ACVR1: variants seen among roughly 807,000 people sequenced by gnomAD.
ACVR1 encodes activin receptor type-1.
Under a neutral mutation model 57.1 loss-of-function variants are expected in ACVR1, and 38 were observed. The observed-to-expected ratio is 0.67, with a 90% CI of 0.51 to 0.87. The LOEUF (loss-of-function observed/expected upper bound fraction) is 0.87, where lower values mean the gene tolerates loss of function less well. Among genes scored for constraint, ACVR1 ranks in the 40% least tolerant of loss-of-function variants. ACVR1 has a pLI of 0.00. For synonymous variants in ACVR1, 212 were observed against 228.1 expected (o/e 0.93, Z 0.63); for missense variants, 463 against 638.2 (o/e 0.73, Z 2.96).
At chr2:157,865,795 CAAAA>C in intron 1 of ACVR1, among the ~76,000 whole-genome samples, 1 of 119,260 alleles carries the variant, frequency 8.4e-6, no homozygotes, top group South Asian at 2.8e-4. Context: ...AACTCCATCT[CAAAA>C]AAAAAAAAAA....
intron 9 of ACVR1, among the ~76,000 whole-genome samples, chr2:157,739,295 T>A (rs1012223336): frequency 6.6e-6 from 1 of 152,214 alleles, no homozygotes; most frequent in African/African-American, 2.4e-5. Flanking sequence ...AAAAGAAGGA[T>A]AAATAATGAA....
rs79268399 is a variant in ACVR1 at position 157,868,989 on chromosome 2, T to C, written c.-183+6807A>G. On this transcript the variant is annotated intron_variant, in intron 1 of 10. Transcript: ENST00000434821. ...TGTCCCTACTAACCACATGCTTTCATTTTTTATTTCTGAACAATATATGGG... is the reference window on the plus strand; with the variant it reads ...TGTCCCTACTAACCACATGCTTTCACTTTTTATTTCTGAACAATATATGGG... Among the ~76,000 whole-genome samples the C allele has an allele frequency of 1.9e-3, 287 of 152,338 alleles. 1 individual carries two copies. The highest frequency in any genetic ancestry group is 2.3e-3 in the Non-Finnish European group (155 of 68,028).
At chr2:157,786,955 C>A (rs1392908681) in intron 3 of ACVR1, among the ~76,000 whole-genome samples, 1 of 152,012 alleles carries the variant, frequency 6.6e-6, no homozygotes, top group Non-Finnish European at 1.5e-5. Context: ...GAGAGAATTA[C>A]ATCATCTTCC....
rs781143727 is a variant in ACVR1, at chr2:157,737,673, G to A, written c.1396-8C>T. 35 of 1,613,958 alleles carry A rather than the reference G, an allele frequency of 2.2e-5. No homozygotes were observed. The East Asian group carries it at 7.4e-4, about 34-fold the overall frequency. On this transcript the variant is annotated splice_polypyrimidine_tract_variant and splice_region_variant and intron_variant, in intron 10 of 10. Coordinates refer to ENST00000434821, the MANE Select transcript of ACVR1 (RefSeq NM_001111067.4). ...GGCCAGAGAGGTTAATGTCTGAGGAGAGAAAGAACAAACACCACAATGACA... is the reference window on the plus strand; with the variant it reads ...GGCCAGAGAGGTTAATGTCTGAGGAAAGAAAGAACAAACACCACAATGACA...
At position 157,799,441 on chromosome 2, in the gene ACVR1, G is replaced by T. The variant is rs1383805044; in HGVS notation, c.53C>A (p.Ser18Tyr). Residue 18 changes from serine to tyrosine, a missense_variant, in exon 3 of 11, where the codon TCC becomes TAC. Coordinates refer to ENST00000434821, the MANE Select transcript of ACVR1 (RefSeq NM_001111067.4). The part of the protein sequence containing the change: ...LPVLIMIALP[S>Y]PSMEDEKPKV... Reference sequence around the variant, plus strand: ...GAGTCACTTACCTTCCATACTAGGGGAGGGGAGAGCAATCATGATAAGCAC... The same window carrying T: ...GAGTCACTTACCTTCCATACTAGGGTAGGGGAGAGCAATCATGATAAGCAC... 20 of 1,611,852 alleles carry T rather than the reference G, an allele frequency of 1.2e-5. No homozygotes were observed. Among genetic ancestry groups the T allele is most frequent in the Non-Finnish European group, 1.6e-5 (19 of 1,178,390 alleles).
chr2:157,767,303 G>A (rs951746175), intron 7 of ACVR1, among the ~76,000 whole-genome samples: 9 of 152,122 alleles, frequency 5.9e-5, no homozygotes. Context: ...CAAAGTGCTG[G>A]GATTACAAGC....
intron 2 of ACVR1, among the ~76,000 whole-genome samples, chr2:157,800,253 T>A (rs922973176): frequency 1.3e-5 from 2 of 152,234 alleles, no homozygotes; most frequent in Non-Finnish European, 2.9e-5. Flanking sequence ...GATAGGTTAG[T>A]GTGCTTGTAC....
At chr2:157,776,061 G>T (rs1314517875) in intron 5 of ACVR1, among the ~76,000 whole-genome samples, 1 of 152,102 alleles carries the variant, frequency 6.6e-6, no homozygotes, top group Non-Finnish European at 1.5e-5. Context: ...GTTTAGTAAG[G>T]GCATGCTTTG....
At chr2:157,758,568 C>G (rs1685519280) in intron 9 of ACVR1, among the ~76,000 whole-genome samples, 1 of 151,870 alleles carries the variant, frequency 6.6e-6, no homozygotes, top group Non-Finnish European at 1.5e-5. Context: ...TATTATTAAA[C>G]CTAAAGAGAC....
chr2:157,782,116 G>A (rs1686545525), intron 3 of ACVR1, among the ~76,000 whole-genome samples: 1 of 152,180 alleles, frequency 6.6e-6, no homozygotes, highest in African/African-American at 2.4e-5. Flanking sequence ...GTGTGGGTGT[G>A]TGTAGAGATG....
chr2:157,756,768 T>A (rs1337716658), intron 9 of ACVR1, among the ~76,000 whole-genome samples: 1 of 151,426 alleles, frequency 6.6e-6, no homozygotes, highest in Non-Finnish European at 1.5e-5. Flanking sequence ...GAACTAAAAG[T>A]AGAACTACAA....
At chr2:157,774,213 G>C (rs1186948161) in intron 5 of ACVR1, 26 bp from the exon 6 acceptor site, 1 of 1,589,210 alleles carries the variant, frequency 6.3e-7, no homozygotes, top group Non-Finnish European at 8.6e-7. Flanking sequence ...AGGGGGAAAA[G>C]AAACGATTGA....
At chr2:157,802,867 G>T (rs1475618121) in intron 2 of ACVR1, among the ~76,000 whole-genome samples, 1 of 152,142 alleles carries the variant, frequency 6.6e-6, no homozygotes, top group Non-Finnish European at 1.5e-5. Flanking sequence ...CACTGCCAGA[G>T]CCAAGTAGGT....
chr2:157,754,744 C>T (rs1685353068), intron 9 of ACVR1, among the ~76,000 whole-genome samples: 1 of 152,106 alleles, frequency 6.6e-6, no homozygotes, highest in Non-Finnish European at 1.5e-5. Flanking sequence ...AGGGAATCTT[C>T]CCTAAATCAT....
chr2:157,763,900 C>G (rs945388077), intron 8 of ACVR1, among the ~76,000 whole-genome samples: 1 of 152,116 alleles, frequency 6.6e-6, no homozygotes, highest in Non-Finnish European at 1.5e-5. Context: ...TTTATACAAA[C>G]CCATATATCT....
chr2:157,766,854 C>T (rs540652977), intron 7 of ACVR1, among the ~76,000 whole-genome samples: 4 of 152,086 alleles, frequency 2.6e-5, no homozygotes, highest in Non-Finnish European at 5.9e-5. Context: ...CAATAAAATA[C>T]GAAAAGTACT....
Position 157,761,123 on chromosome 2 carries a change from A to C in ACVR1, c.1067-46T>G, listed in dbSNP as rs1432479348. On this transcript the variant is annotated intron_variant, in intron 8 of 10. Transcript: ENST00000434821. ...ATGTAATCAACCCACTTCCTTTCTC[A>C]TAAGAGGCTGCTGAAGGATTTTAAA... The C allele has an allele frequency of 2.5e-6, 4 of 1,598,664 alleles. No individual in the cohort carries two copies. The Admixed American group carries it at 5.1e-5, about 20-fold the overall frequency.
chr2:157,805,332 A>G (rs557145506), intron 2 of ACVR1, among the ~76,000 whole-genome samples: 1 of 152,322 alleles, frequency 6.6e-6, no homozygotes, highest in Admixed American at 6.5e-5. Context: ...ACTCTTCTCA[A>G]TTCAATTTCT....
At chr2:157,862,029 G>C (rs1689736094) in intron 1 of ACVR1, among the ~76,000 whole-genome samples, 1 of 151,882 alleles carries the variant, frequency 6.6e-6, no homozygotes, top group South Asian at 2.1e-4. Flanking sequence ...ATGTGGAAAG[G>C]GTAAAATACA....
Sources: allele counts gnomAD v4.1 joint callset (sites outside exome capture counted in the v4.1 genomes callset), GRCh38; gene constraint gnomAD v4.1.1; transcripts MANE v1.5; gene names NCBI Gene and HGNC (gene_info 2026-07-23, HGNC 2026-07-21).